The following DYNC1H1 variants were observed in gnomAD, a reference collection of about 807,000 sequenced individuals.
DYNC1H1 encodes cytoplasmic dynein 1 heavy chain 1.
In DYNC1H1, 51 loss-of-function variants were observed where a neutral mutation model predicts 527.1. The ratio of observed to expected loss-of-function variants is 0.10; its 90% CI spans 0.08 to 0.12. The LOEUF (loss-of-function observed/expected upper bound fraction) is 0.12, where lower values mean the gene tolerates loss of function less well. Ranked by LOEUF, DYNC1H1 falls within the 10% of genes least tolerant of loss-of-function variation. The pLI, the probability that DYNC1H1 is intolerant of heterozygous loss-of-function variation, is 1.00. For missense variants in DYNC1H1, 2,771 were observed against 5,971.8 expected (o/e 0.46, Z 17.66); for synonymous variants, 2,189 against 2,278.8 (o/e 0.96, Z 1.12).
chr14:102,039,557 G>A lies in DYNC1H1; in HGVS notation c.11595+11G>A. The A allele has an allele frequency of 1.2e-6, 2 of 1,614,230 alleles. No individual in the cohort carries two copies. The highest frequency in any genetic ancestry group is 1.7e-6 in the Non-Finnish European group (2 of 1,180,042). On this transcript the variant is annotated intron_variant, in intron 61 of 77. Coordinates refer to ENST00000360184, the MANE Select transcript of DYNC1H1 (RefSeq NM_001376.5). The surrounding 1 kb of genome is among the most constrained non-coding windows in gnomAD (Gnocchi z 7.0). ...AAGGACCTCTTCCAGGTAGAGTGAG[G>A]TCCTCAGCCGCTCCCTGGCGGGGGG...
At chr14:102,028,213 A>AT in intron 48 of DYNC1H1, 72 bp downstream of exon 48, 1 of 1,569,750 alleles carries the variant, frequency 6.4e-7, no homozygotes, top group African/African-American at 1.3e-5. Context: ...CTAAATTGCT[A>AT]TAAAAATAGA....
rs2048353002 is a variant in DYNC1H1, at chr14:102,018,717, T to A, written c.8343+101T>A. ...GGTTCACACCTGTAATCCCAGCATT[T>A]TGGGAGGCCAAGGTGGGTGGATCCT... On this transcript the variant is annotated intron_variant, in intron 41 of 77. Coordinates refer to ENST00000360184, the MANE Select transcript of DYNC1H1 (RefSeq NM_001376.5). The surrounding 1 kb of genome is among the most constrained non-coding windows in gnomAD (Gnocchi z 5.2). The A allele has an allele frequency of 6.7e-7, 1 of 1,496,938 alleles. No individual in the cohort carries two copies. Among genetic ancestry groups the A allele is most frequent in the African/African-American group, 1.4e-5 (1 of 72,710 alleles). The allele number at this position is 1,496,938 out of a possible 1,614,324, so 92.7% of individuals were successfully genotyped here.
At chr14:101,987,027 A>G (rs1229431998) in intron 8 of DYNC1H1, among the ~76,000 whole-genome samples, 2 of 152,266 alleles carry the variant, frequency 1.3e-5, no homozygotes, top group Non-Finnish European at 2.9e-5. Context: ...AGCAGAATGC[A>G]GTTTTATTGC....
Position 102,010,511 on chromosome 14 carries a change from C to T in DYNC1H1, c.6405+52C>T, listed in dbSNP as rs1166408198. 2 of 1,598,384 alleles carry T rather than the reference C, an allele frequency of 1.3e-6. No individual in the cohort carries two copies. Among genetic ancestry groups the T allele is most frequent in the Admixed American group, 1.7e-5 (1 of 58,578 alleles). Reference sequence around the variant, plus strand: ...AAACCTTATACGTTATTTAAATTTACCTTTTTAACATTTAAGCCATGACTT... The same window carrying T: ...AAACCTTATACGTTATTTAAATTTATCTTTTTAACATTTAAGCCATGACTT... On this transcript the variant is annotated intron_variant, in intron 31 of 77. Transcript: ENST00000360184. The surrounding 1 kb of genome is among the most constrained non-coding windows in gnomAD (Gnocchi z 6.0).
chr14:102,038,675 T>G lies in DYNC1H1; in HGVS notation c.11056-23T>G. ...GTTTTGAAACTGGATTAAGACAGAC[T>G]GTTCTGTTACCTATTTTGGCAGGTC... On this transcript the variant is annotated intron_variant, in intron 58 of 77. Transcript: ENST00000360184. This position sits in a 1 kb window ranked among gnomAD's most constrained non-coding sequence, Gnocchi z 7.2. 6.2e-7 allele frequency: 1 copy of G among 1,614,240 alleles called. No individual in the cohort carries two copies. The highest frequency in any genetic ancestry group is 8.5e-7 in the Non-Finnish European group (1 of 1,180,044).
intron 11 of DYNC1H1, 96 bp from the exon 12 acceptor site, chr14:101,994,088 C>G: frequency 6.3e-7 from 1 of 1,591,364 alleles, no homozygotes; most frequent in East Asian, 2.2e-5. Flanking sequence ...TGGTCATGAG[C>G]TTTTCTTTCA....
intron 28 of DYNC1H1, among the ~76,000 whole-genome samples, chr14:102,007,547 A>G (rs1404934715): frequency 6.6e-6 from 1 of 152,162 alleles, no homozygotes; most frequent in African/African-American, 2.4e-5. Context: ...TCATGAAGTA[A>G]CTGCTGTGTG....
chr14:102,018,318 T>C lies in DYNC1H1; in HGVS notation c.8178-133T>C, dbSNP rs1028137038. On this transcript the variant is annotated intron_variant, in intron 40 of 77. Transcript: ENST00000360184. This position sits in a 1 kb window ranked among gnomAD's most constrained non-coding sequence, Gnocchi z 5.2. ...TGTGTGTGATCTCAGCTAACACTGATGTCAAGTCTGCATAGCTGGGTTAGG... is the reference window on the plus strand; with the variant it reads ...TGTGTGTGATCTCAGCTAACACTGACGTCAAGTCTGCATAGCTGGGTTAGG... 2.9e-5 allele frequency: 36 copies of C among 1,262,726 alleles called. No individual in the cohort carries two copies. The African/African-American group carries it at 3.4e-4, about 12-fold the overall frequency. The allele number at this position is 1,262,726 out of a possible 1,614,324, so 78.2% of individuals were successfully genotyped here. A position where few individuals can be genotyped will look rare whatever the true frequency, so the allele number is the denominator to read the frequency against.
Position 101,996,924 on chromosome 14 carries a change from G to C in DYNC1H1, c.3565-111G>C, listed in dbSNP as rs1295384416. ...AGGCAAGAACCACTGTGTCTGGCCA[G>C]TCTTACGTGTTTTATAACTATAAAG... is the stretch of plus-strand genomic sequence containing the variant. On this transcript the variant is annotated intron_variant, in intron 15 of 77. Coordinates refer to ENST00000360184, the MANE Select transcript of DYNC1H1 (RefSeq NM_001376.5). 3.4e-6 allele frequency: 5 copies of C among 1,458,000 alleles called. No individual in the cohort carries two copies. In the Admixed American group the frequency reaches 1.0e-4, roughly 30 times the overall value. The allele number at this position is 1,458,000 out of a possible 1,614,324, so 90.3% of individuals were successfully genotyped here. A position where few individuals can be genotyped will look rare whatever the true frequency, so the allele number is the denominator to read the frequency against.
rs571378493 is a variant in DYNC1H1 at position 102,017,872 on chromosome 14, C to T, written c.8177+368C>T. 37 of 340,686 alleles carry T rather than the reference C, an allele frequency of 1.1e-4. No homozygotes were observed. Among genetic ancestry groups the T allele is most frequent in the Non-Finnish European group, 1.6e-4 (28 of 176,092 alleles). The allele number at this position is 340,686 out of a possible 1,614,324, so 21.1% of individuals were successfully genotyped here. On this transcript the variant is annotated intron_variant, in intron 40 of 77. Coordinates refer to ENST00000360184, the MANE Select transcript of DYNC1H1 (RefSeq NM_001376.5). This position sits in a 1 kb window ranked among gnomAD's most constrained non-coding sequence, Gnocchi z 4.6. Reference sequence around the variant, plus strand: ...CTGTAATCCCAGCACTTTGGGAGGCCGAAGCGGGCAGATCACGAGGTCAGG... The same window carrying T: ...CTGTAATCCCAGCACTTTGGGAGGCTGAAGCGGGCAGATCACGAGGTCAGG...
chr14:101,983,673 T>G lies in DYNC1H1; in HGVS notation c.1461+64T>G, dbSNP rs2047893892. 5 of 1,297,964 alleles carry G rather than the reference T, an allele frequency of 3.9e-6. No homozygotes were observed. Among genetic ancestry groups the G allele is most frequent in the South Asian group, 2.7e-5 (2 of 73,492 alleles). 80.4% of individuals were successfully genotyped at this position (1,297,964 alleles called of 1,614,324 possible). A position where few individuals can be genotyped will look rare whatever the true frequency, so the allele number is the denominator to read the frequency against. ...TTTTTGTTTTGTTTTTTGTTTGGTG[T>G]TTTTTTTTTGTTGTTGTTGTTGAGA... On this transcript the variant is annotated intron_variant, in intron 7 of 77. Coordinates refer to ENST00000360184, the MANE Select transcript of DYNC1H1 (RefSeq NM_001376.5). This position sits in a 1 kb window ranked among gnomAD's most constrained non-coding sequence, Gnocchi z 5.3.
Position 102,012,819 on chromosome 14 carries a change from C to T in DYNC1H1, c.7014+349C>T, listed in dbSNP as rs57087888. The T allele has an allele frequency of 5.5e-6, 2 of 366,242 alleles. No homozygotes were observed. Among genetic ancestry groups the T allele is most frequent in the Non-Finnish European group, 1.0e-5 (2 of 191,834 alleles). The allele number at this position is 366,242 out of a possible 1,614,324, so 22.7% of individuals were successfully genotyped here. On this transcript the variant is annotated intron_variant, in intron 34 of 77. Coordinates refer to ENST00000360184, the MANE Select transcript of DYNC1H1 (RefSeq NM_001376.5). The surrounding 1 kb of genome is among the most constrained non-coding windows in gnomAD (Gnocchi z 4.9). ...AATGAGAAATTTGGAATGGGGCTTT[C>T]TAGGCTGTCCCTTGGAAAATGAGTG...
chr14:102,032,994 T>C, intron 52 of DYNC1H1, 71 bp from the exon 53 acceptor site: 1 of 1,515,876 alleles, frequency 6.6e-7, no homozygotes, highest in East Asian at 2.3e-5. Context: ...GTCTCTTCCA[T>C]TTTAATTTTA....
intron 17 of DYNC1H1, 57 bp downstream of exon 17, chr14:102,000,201 TGA>T (rs2048114478): frequency 6.2e-7 from 1 of 1,614,082 alleles, no homozygotes; most frequent in African/African-American, 1.3e-5. Flanking sequence ...ACTCTGCCAT[TGA>T]CTTTGTTCAT....
chr14:102,041,447 A>G lies in DYNC1H1; in HGVS notation c.11942-127A>G. On this transcript the variant is annotated intron_variant, in intron 64 of 77. Coordinates refer to ENST00000360184, the MANE Select transcript of DYNC1H1 (RefSeq NM_001376.5). This position sits in a 1 kb window ranked among gnomAD's most constrained non-coding sequence, Gnocchi z 4.5. ...ACAGCAGATGTGGCTGAATTTCCTG[A>G]TTTGAGCTGATCCTGAAATGCTGAG... 1 of 1,499,102 alleles carries G rather than the reference A, an allele frequency of 6.7e-7. No individual in the cohort carries two copies. The highest frequency in any genetic ancestry group is 2.4e-4 in the Middle Eastern group (1 of 4,206). 92.9% of individuals were successfully genotyped at this position (1,499,102 alleles called of 1,614,324 possible). A position where few individuals can be genotyped will look rare whatever the true frequency, so the allele number is the denominator to read the frequency against.
At chr14:101,972,577 G>A (rs943707093) in intron 1 of DYNC1H1, among the ~76,000 whole-genome samples, 6 of 152,188 alleles carry the variant, frequency 3.9e-5, no homozygotes, top group Non-Finnish European at 7.3e-5. Flanking sequence ...ACCACACAGC[G>A]GTGACTCATC....
chr14:102,023,131 A>G, intron 43 of DYNC1H1: 2 of 490,426 alleles, frequency 4.1e-6, no homozygotes, highest in Non-Finnish European at 3.7e-6. Context: ...CAGGCAAGGT[A>G]ACTCACGCCT....
chr14:102,036,669 AAC>A lies in DYNC1H1; in HGVS notation c.10908+30_10908+31del. The A allele has an allele frequency of 6.2e-7, 1 of 1,613,750 alleles. No individual in the cohort carries two copies. The highest frequency in any genetic ancestry group is 8.5e-7 in the Non-Finnish European group (1 of 1,179,876). ...TTGGTGTTGGCCTTTGAATTCTTGA[AAC>A]ACTGCATTCAAGAGTGAATTCCTTT... On this transcript the variant is annotated intron_variant, in intron 57 of 77. Coordinates refer to ENST00000360184, the MANE Select transcript of DYNC1H1 (RefSeq NM_001376.5). The surrounding 1 kb of genome is among the most constrained non-coding windows in gnomAD (Gnocchi z 5.6).
intron 12 of DYNC1H1, 79 bp downstream of exon 12, chr14:101,994,403 G>T: frequency 1.3e-6 from 2 of 1,599,392 alleles, no homozygotes; most frequent in Non-Finnish European, 1.7e-6. Flanking sequence ...AAAGAACATG[G>T]AGCTAAAAGG....
Sources: gnomAD v4.1 joint callset for allele counts (sites outside exome capture counted in the v4.1 genomes callset) on GRCh38, gnomAD v4.1.1 for gene constraint, Gnocchi (gnomAD v3.1) non-coding constraint, MANE v1.5 for transcripts, NCBI Gene and HGNC (gene_info 2026-07-23, HGNC 2026-07-21) for gene names.